The following STXBP5L variants were observed in gnomAD, a reference collection of about 807,000 sequenced individuals.
The protein encoded by STXBP5L is syntaxin binding protein 5L, also known as syntaxin-binding protein 5-like.
STXBP5L carries 65 observed loss-of-function variants against 144.5 expected under a neutral mutation model. The ratio of observed to expected loss-of-function variants is 0.45; its 90% confidence interval spans 0.37 to 0.55. STXBP5L has a LOEUF of 0.55. Ranked by LOEUF, STXBP5L falls within the 20% of genes least tolerant of loss-of-function variation. STXBP5L has a pLI of 0.00. For missense variants in STXBP5L, 1,298 were observed against 1,405.5 expected, an observed-to-expected ratio of 0.92 and a Z score of 1.22; for synonymous variants, 505 against 469.6, an observed-to-expected ratio of 1.08 and a Z score of -0.97.
intron 19 of STXBP5L, among the ~76,000 whole-genome samples, chr3:121,296,779 A>G (rs1299581907): frequency 1.3e-5 from 2 of 152,198 alleles, no homozygotes; most frequent in Non-Finnish European, 2.9e-5. Flanking sequence ...GGAATTTGAA[A>G]GAATTTGAAA....
At chr3:121,220,643 T>A (rs1006095912) in intron 10 of STXBP5L, among the ~76,000 whole-genome samples, 1 of 152,112 alleles carries the variant, frequency 6.6e-6, no homozygotes, top group Non-Finnish European at 1.5e-5. Flanking sequence ...AAAGGAGATA[T>A]GGTTTTGCAA....
intron 20 of STXBP5L, among the ~76,000 whole-genome samples, chr3:121,329,664 C>T (rs191976605): frequency 1.3e-5 from 2 of 152,164 alleles, no homozygotes; most frequent in Non-Finnish European, 2.9e-5. Flanking sequence ...AGTTCAAGAC[C>T]AGCCTGACCA....
chr3:121,197,024 A>G (rs950760695), intron 9 of STXBP5L, among the ~76,000 whole-genome samples: 1 of 151,648 alleles, frequency 6.6e-6, no homozygotes, highest in African/African-American at 2.4e-5. Context: ...TCTTTAACAT[A>G]CTTGCTTATG....
intron 9 of STXBP5L, among the ~76,000 whole-genome samples, chr3:121,194,518 A>G (rs2047842788): frequency 6.6e-6 from 1 of 151,882 alleles, no homozygotes; most frequent in Non-Finnish European, 1.5e-5. Context: ...CCTTGAAAAA[A>G]AAAAAGTAAC....
chr3:121,039,664 G>C (rs1947009312), intron 3 of STXBP5L, among the ~76,000 whole-genome samples: 1 of 151,780 alleles, frequency 6.6e-6, no homozygotes, highest in East Asian at 1.9e-4. Context: ...TGTCTGAAAA[G>C]TGTCTTCATT....
In STXBP5L at chr3:121,282,451, AT is replaced by A; in HGVS notation, c.2110+2500del. 3 of 966,264 alleles carry A rather than the reference AT, an allele frequency of 3.1e-6. No homozygotes were observed. In the South Asian group the frequency reaches 5.6e-5, roughly 18 times the overall value. 59.9% of individuals were successfully genotyped at this position (966,264 alleles called of 1,614,324 possible). On this transcript the variant is annotated intron_variant, in intron 19 of 26. Coordinates refer to ENST00000471454, the MANE Select transcript of STXBP5L (RefSeq NM_001308330.2). ...TAAAACACATTCAGCATGCATGCAA[AT>A]TTTTGTTTTGTTATGGTGTGCAACC...
chr3:121,365,297 G>C (rs756276972), intron 20 of STXBP5L, among the ~76,000 whole-genome samples: 5 of 151,660 alleles, frequency 3.3e-5, no homozygotes, highest in Non-Finnish European at 7.4e-5. Context: ...AGAAGTATTG[G>C]TCCTCTTCAA....
chr3:121,043,728 A>G (rs1415448155), intron 4 of STXBP5L, among the ~76,000 whole-genome samples: 2 of 151,934 alleles, frequency 1.3e-5, no homozygotes, highest in Non-Finnish European at 2.9e-5. Flanking sequence ...AAACAAACAA[A>G]AAAAGAATAC....
chr3:121,074,611 G>A (rs1379092450), intron 5 of STXBP5L, among the ~76,000 whole-genome samples: 2 of 152,096 alleles, frequency 1.3e-5, no homozygotes, highest in Non-Finnish European at 1.5e-5. Flanking sequence ...CTGGCAGCTT[G>A]AGAAATAATT....
At chr3:120,971,690 T>G (rs79102111) in intron 3 of STXBP5L, among the ~76,000 whole-genome samples, 18,148 of 151,124 alleles carry the variant, frequency 0.12, 1,143 homozygotes, top group Non-Finnish European at 0.14. Context: ...TACACACATA[T>G]ATAAGCACCA....
chr3:121,005,148 C>A (rs1184027112), intron 3 of STXBP5L, among the ~76,000 whole-genome samples: 1 of 152,134 alleles, frequency 6.6e-6, no homozygotes, highest in East Asian at 1.9e-4. Context: ...CCTTGTAACT[C>A]TGGTAGAATT....
intron 4 of STXBP5L, 123 bp downstream of exon 4, chr3:121,041,904 C>T: frequency 1.6e-6 from 1 of 619,144 alleles, no homozygotes; most frequent in Non-Finnish European, 2.8e-6. Flanking sequence ...AATATTACTT[C>T]TGATTATATT....
intron 9 of STXBP5L, among the ~76,000 whole-genome samples, chr3:121,186,206 A>G (rs145743260): frequency 0.036 from 5,484 of 152,260 alleles, 150 homozygotes; most frequent in Middle Eastern, 0.088. Context: ...GGCTGAGACA[A>G]TGGGGTTTTC....
In STXBP5L at chr3:121,415,892, A is replaced by G. The variant is rs759997997; in HGVS notation, c.3150A>G (p.Thr1050=). The part of the protein sequence containing the change: ...MLGDLFTPIE[T]PEAQNRGFLK... ...GAGATTTGTTTACTCCCATAGAGAC[A>G]CCAGAAGCTCAAAACAGAGGCTTTC... Residue 1050 remains threonine, a synonymous_variant, in exon 25 of 27, where the codon ACA becomes ACG. Transcript: ENST00000471454. 1 of 1,613,538 alleles carries G rather than the reference A, an allele frequency of 6.2e-7. No homozygotes were observed. The highest frequency in any genetic ancestry group is 1.1e-5 in the South Asian group (1 of 91,070).
At chr3:120,925,381 T>A in intron 2 of STXBP5L, among the ~76,000 whole-genome samples, 1 of 152,226 alleles carries the variant, frequency 6.6e-6, no homozygotes, top group East Asian at 1.9e-4. Context: ...TATATCCTCT[T>A]GCTGAATTGA....
chr3:121,366,774 T>C (rs1320082966), intron 20 of STXBP5L, among the ~76,000 whole-genome samples: 1 of 152,048 alleles, frequency 6.6e-6, no homozygotes, highest in African/African-American at 2.4e-5. Flanking sequence ...TTTCTGTTAT[T>C]TTATGATTTC....
At chr3:121,031,916 G>T (rs1356838236) in intron 3 of STXBP5L, among the ~76,000 whole-genome samples, 2 of 152,102 alleles carry the variant, frequency 1.3e-5, no homozygotes, top group African/African-American at 4.8e-5. Flanking sequence ...ATAGTGGAAG[G>T]TTTTGCCACT....
intron 22 of STXBP5L, among the ~76,000 whole-genome samples, chr3:121,391,943 TCAGA>T (rs1433256310): frequency 6.6e-6 from 1 of 152,202 alleles, no homozygotes; most frequent in Non-Finnish European, 1.5e-5. Flanking sequence ...TTCAGAGCTA[TCAGA>T]CAGGGACGTT....
intron 14 of STXBP5L, 30 bp downstream of exon 14, chr3:121,240,537 TTCA>T: frequency 6.3e-7 from 1 of 1,597,036 alleles, no homozygotes; most frequent in Non-Finnish European, 8.6e-7. Flanking sequence ...GAGTTATTAG[TTCA>T]TCAACAAAAA....
Sources: allele counts gnomAD v4.1 joint callset (sites outside exome capture counted in the v4.1 genomes callset), GRCh38; gene constraint gnomAD v4.1.1; transcripts MANE v1.5; gene names NCBI Gene and HGNC (gene_info 2026-07-23, HGNC 2026-07-21).